Variants in PHF14 observed in about 807,000 individuals in gnomAD.
PHF14 encodes the protein PHD finger protein 14.
A neutral mutation model predicts 117.9 loss-of-function variants in PHF14; 55 were observed. The ratio of observed to expected loss-of-function variants is 0.47; its 90% CI spans 0.38 to 0.58. PHF14 has a LOEUF of 0.58. Ranked by LOEUF, PHF14 falls within the 20% of genes least tolerant of loss-of-function variation. PHF14 has a pLI of 0.00. For synonymous variants in PHF14, 409 were observed against 368.6 expected, an observed-to-expected ratio of 1.11 and a Z score of -1.26; for missense variants, 978 against 1,122.2, an observed-to-expected ratio of 0.87 and a Z score of 1.84.
At chr7:11,062,225 G>C (rs1158194574) in intron 16 of PHF14, 140 bp downstream of exon 16, 2 of 609,202 alleles carry the variant, frequency 3.3e-6, no homozygotes, top group African/African-American at 3.8e-5. Flanking sequence ...TTTAGAAACA[G>C]ATTTCATCCA....
Position 11,062,017 on chromosome 7 carries a change from C to A in PHF14, c.2586C>A (p.Pro862=). The change falls in exon 16 of 18, where the codon CCC becomes CCA. Residue 862 remains proline (P), a synonymous_variant. Transcript: ENST00000634607. The part of the protein sequence containing the change: ...RQRQSVLQKK[P]KAEDLRTECA... Reference sequence around the variant, plus strand: ...GACAGTCTGTGTTGCAAAAGAAGCCCAAGGCTGAAGATTTAAGAACTGAAT... The same window carrying A: ...GACAGTCTGTGTTGCAAAAGAAGCCAAAGGCTGAAGATTTAAGAACTGAAT... The A allele has an allele frequency of 6.2e-7, 1 of 1,605,368 alleles. No individual in the cohort carries two copies. Among genetic ancestry groups the A allele is most frequent in the Admixed American group, 1.7e-5 (1 of 59,032 alleles).
At chr7:10,989,691 C>T (rs1782375115) in intron 3 of PHF14, among the ~76,000 whole-genome samples, 2 of 152,102 alleles carry the variant, frequency 1.3e-5, no homozygotes, top group Non-Finnish European at 2.9e-5. Flanking sequence ...AGTGCAGTGG[C>T]GAGATAATAG....
chr7:11,038,718 C>T (rs1444780557), intron 10 of PHF14, 42 bp from the exon 11 acceptor site: 1 of 780,966 alleles, frequency 1.3e-6, no homozygotes. Context: ...CTTAAATTGT[C>T]AGATATTTTA....
intron 17 of PHF14, among the ~76,000 whole-genome samples, chr7:11,145,162 A>G (rs1788510477): frequency 6.6e-6 from 1 of 152,040 alleles, no homozygotes; most frequent in Non-Finnish European, 1.5e-5. Context: ...GGAGGGGTTC[A>G]GGTGGCAGAG....
chr7:11,121,801 A>G (rs1787762328), intron 17 of PHF14, among the ~76,000 whole-genome samples: 1 of 152,044 alleles, frequency 6.6e-6, no homozygotes. Flanking sequence ...AGATTTCATC[A>G]TGCTCTTCAG....
At chr7:10,995,174 T>C (rs534953499) in intron 4 of PHF14, among the ~76,000 whole-genome samples, 10 of 152,204 alleles carry the variant, frequency 6.6e-5, no homozygotes, top group Admixed American at 2.0e-4. Flanking sequence ...AGAGTGCTGA[T>C]TGGTGTATTT....
intron 17 of PHF14, among the ~76,000 whole-genome samples, chr7:11,137,120 A>G (rs948829861): frequency 6.6e-6 from 1 of 152,236 alleles, no homozygotes; most frequent in Admixed American, 6.5e-5. Context: ...TTTATTCTTA[A>G]GATTTAATCT....
intron 16 of PHF14, among the ~76,000 whole-genome samples, chr7:11,088,956 G>A (rs560996275): frequency 2.3e-4 from 35 of 152,086 alleles, no homozygotes; most frequent in Non-Finnish European, 4.3e-4. Flanking sequence ...CAAAAAATGA[G>A]CATGGTATTA....
intron 3 of PHF14, among the ~76,000 whole-genome samples, chr7:10,987,929 T>C (rs1338328219): frequency 6.8e-6 from 1 of 147,764 alleles, no homozygotes; most frequent in Non-Finnish European, 1.5e-5. Context: ...GGCAGGAGAA[T>C]CGCTTGAACC....
At chr7:11,084,813 A>AACAATCAGTTTCAATGTTTATT (rs1786318534) in intron 16 of PHF14, among the ~76,000 whole-genome samples, 2 of 152,134 alleles carry the variant, frequency 1.3e-5, no homozygotes, top group Non-Finnish European at 1.5e-5. Flanking sequence ...TGTATTTTGT[A>AACAATCAGTTTCAATGTTTATT]ACAATCAGTT....
chr7:10,988,814 AACC>A lies in PHF14; in HGVS notation c.901-1888_901-1886del, dbSNP rs113197853. Among the ~76,000 whole-genome samples the A allele has an allele frequency of 3.5e-3, 534 of 152,278 alleles. 2 individuals carry two copies. The highest frequency in any genetic ancestry group is 0.012 in the African/African-American group (517 of 41,558). On this transcript the variant is annotated intron_variant, in intron 3 of 17. Coordinates refer to ENST00000634607, the MANE Select transcript of PHF14 (RefSeq NM_001007157.2). ...CTTGCCATATATTGTTAATTCTTAT[AACC>A]TCCTGAAGTAGATATTATTTTTATC...
chr7:11,148,118 C>T (rs905992542), intron 17 of PHF14, among the ~76,000 whole-genome samples: 10 of 152,166 alleles, frequency 6.6e-5, no homozygotes, highest in African/African-American at 2.4e-4. Context: ...TACCATCATT[C>T]CTGATCTGTT....
chr7:11,081,681 C>T (rs1786108583), intron 16 of PHF14, among the ~76,000 whole-genome samples: 1 of 150,968 alleles, frequency 6.6e-6, no homozygotes, highest in African/African-American at 2.4e-5. Context: ...AGGATGAAAC[C>T]CTGTCTCTAG....
chr7:11,000,348 T>TG (rs1296845847), intron 4 of PHF14, among the ~76,000 whole-genome samples: 1 of 142,542 alleles, frequency 7.0e-6, no homozygotes, highest in East Asian at 2.0e-4. Flanking sequence ...TTTTTTTTTT[T>TG]TTTTTTTTTG....
intron 17 of PHF14, among the ~76,000 whole-genome samples, chr7:11,146,483 T>A (rs1228504987): frequency 6.6e-6 from 1 of 152,166 alleles, no homozygotes; most frequent in Non-Finnish European, 1.5e-5. Flanking sequence ...TCTCTCTTTT[T>A]CACCAGAGTT....
At chr7:11,007,619 A>G (rs748889970) in intron 4 of PHF14, among the ~76,000 whole-genome samples, 1 of 152,230 alleles carries the variant, frequency 6.6e-6, no homozygotes, top group Non-Finnish European at 1.5e-5. Context: ...AACATGGTTA[A>G]ATATGAACTT....
intron 16 of PHF14, among the ~76,000 whole-genome samples, chr7:11,070,442 T>G (rs1785577923): frequency 6.6e-6 from 1 of 152,240 alleles, no homozygotes; most frequent in South Asian, 2.1e-4. Flanking sequence ...TTCTTATATG[T>G]CAGCACCATG....
chr7:11,024,519 G>C (rs922194710), intron 6 of PHF14, among the ~76,000 whole-genome samples: 1 of 152,176 alleles, frequency 6.6e-6, no homozygotes. Flanking sequence ...TGTCTCTCTT[G>C]TTTAGAGGTG....
At chr7:11,153,876 T>A (rs1202102998) in intron 17 of PHF14, among the ~76,000 whole-genome samples, 2 of 151,874 alleles carry the variant, frequency 1.3e-5, no homozygotes, top group South Asian at 2.1e-4. Context: ...GGCTACAGAG[T>A]CTCGAAGTAT....
Sources: allele counts gnomAD v4.1 joint callset (sites outside exome capture counted in the v4.1 genomes callset), GRCh38; gene constraint gnomAD v4.1.1; transcripts MANE v1.5; gene names NCBI Gene and HGNC (gene_info 2026-07-23, HGNC 2026-07-21).